The following TULP4 variants were observed in gnomAD, a reference collection of about 807,000 sequenced individuals.
The protein encoded by TULP4 is TUB like protein 4.
Under a neutral mutation model 129.0 loss-of-function variants are expected in TULP4, and 16 were observed. That is an observed-to-expected ratio of 0.12 (90% CI 0.08 to 0.19). The LOEUF (loss-of-function observed/expected upper bound fraction) is 0.19. Ranked by LOEUF, TULP4 falls within the 10% of genes least tolerant of loss-of-function variation. The probability of loss-of-function intolerance (pLI) is 1.00; values close to 1 mark genes in which losing one functional copy is unlikely to be tolerated. For synonymous variants in TULP4, 998 were observed against 854.0 expected (o/e 1.17, Z -2.94); for missense variants, 1,842 against 2,059.1 (o/e 0.89, Z 2.04).
chr6:158,350,613 C>A (rs919581400), intron 1 of TULP4, among the ~76,000 whole-genome samples: 3 of 152,022 alleles, frequency 2.0e-5, no homozygotes, highest in African/African-American at 7.3e-5. Flanking sequence ...GAATCCCAGG[C>A]ACTCGGCAGG....
chr6:158,310,075 CT>C (rs1779316068), upstream of TULP4, among the ~76,000 whole-genome samples: 2 of 152,268 alleles, frequency 1.3e-5, no homozygotes, highest in South Asian at 2.1e-4. Context: ...GTCATTCATA[CT>C]TTTTAGTAAA....
At chr6:158,360,979 G>A (rs911824763) in intron 1 of TULP4, among the ~76,000 whole-genome samples, 5 of 152,042 alleles carry the variant, frequency 3.3e-5, no homozygotes, top group South Asian at 2.1e-4. Flanking sequence ...TCCTTATTTT[G>A]TTATTCCTGA....
chr6:158,292,639 A>C (rs1052975831), intron 1 of TULP4, among the ~76,000 whole-genome samples: 1 of 152,098 alleles, frequency 6.6e-6, no homozygotes, highest in African/African-American at 2.4e-5. Context: ...TAGTGGTTTT[A>C]TAGTATTCTG....
chr6:158,493,551 C>G lies in TULP4; in HGVS notation c.1632-22C>G. 6.9e-7 allele frequency: 1 copy of G among 1,454,096 alleles called. No individual in the cohort carries two copies. Among genetic ancestry groups the G allele is most frequent in the Non-Finnish European group, 9.1e-7 (1 of 1,100,466 alleles). 90.1% of individuals were successfully genotyped at this position (1,454,096 alleles called of 1,614,324 possible). The stretch of plus-strand genomic sequence containing the variant: ...CCATTCCCGCCACGGATGCCTGACC[C>G]CTCCTGGCCTTGCCTCCCCAGGATC... On this transcript the variant is annotated intron_variant, in intron 9 of 13. Transcript: ENST00000367097. The surrounding 1 kb of genome is among the most constrained non-coding windows in gnomAD (Gnocchi z 4.4).
At chr6:158,323,084 G>A (rs1157017668) in intron 1 of TULP4, among the ~76,000 whole-genome samples, 1 of 152,222 alleles carries the variant, frequency 6.6e-6, no homozygotes, top group Non-Finnish European at 1.5e-5. Context: ...ACCTAAGCAT[G>A]TGACTGTACT....
At chr6:158,267,399 A>C (rs556296740) in intron 1 of TULP4, among the ~76,000 whole-genome samples, 1 of 152,350 alleles carries the variant, frequency 6.6e-6, no homozygotes, top group Non-Finnish European at 1.5e-5. Context: ...GATGAAAGCA[A>C]CTAAGTGATG....
intron 6 of TULP4, among the ~76,000 whole-genome samples, chr6:158,464,290 G>A (rs1473307291): frequency 2.0e-5 from 3 of 152,200 alleles, no homozygotes; most frequent in Non-Finnish European, 4.4e-5. Flanking sequence ...TGTTGGTTAA[G>A]CCTGTGGAAA....
chr6:158,501,097 G>C (rs549281975), intron 12 of TULP4, among the ~76,000 whole-genome samples: 6 of 152,046 alleles, frequency 3.9e-5, no homozygotes, highest in Non-Finnish European at 8.8e-5. Flanking sequence ...ATTAGGAAAT[G>C]ATCCTTCATA....
chr6:158,332,916 A>G (rs1176395925), intron 1 of TULP4, among the ~76,000 whole-genome samples: 4 of 152,142 alleles, frequency 2.6e-5, no homozygotes, highest in Admixed American at 6.5e-5. Context: ...GCTGAGAGGC[A>G]ATAAACTGAC....
intron 3 of TULP4, among the ~76,000 whole-genome samples, chr6:158,435,252 T>C (rs1429267233): frequency 1.3e-5 from 2 of 152,216 alleles, no homozygotes; most frequent in Non-Finnish European, 2.9e-5. Context: ...GAGTATCTTG[T>C]GTATGTCTTC....
At chr6:158,254,119 A>G (rs552789294) in intron 1 of TULP4, among the ~76,000 whole-genome samples, 1 of 151,942 alleles carries the variant, frequency 6.6e-6, no homozygotes, top group East Asian at 1.9e-4. Context: ...GGAGAAGGGA[A>G]TCCTGGTTTT....
In TULP4 at chr6:158,351,100, A is replaced by C. The variant is rs190092741; in HGVS notation, c.252+36832A>C. The stretch of plus-strand genomic sequence containing the variant: ...GCTGTGTATGCTTTCACAGAGTTCA[A>C]ATGGGTGCGAACTTGTCCCTGGATA... On this transcript the variant is annotated intron_variant, in intron 1 of 13. Coordinates refer to ENST00000367097, the MANE Select transcript of TULP4 (RefSeq NM_020245.5). 3.7e-3 allele frequency among the ~76,000 whole-genome samples: 565 copies of C among 152,176 alleles called. 4 individuals carry two copies. Among genetic ancestry groups the C allele is most frequent in the African/African-American group, 0.013 (538 of 41,506 alleles).
At chr6:158,478,656 C>A (rs1779872334) in intron 6 of TULP4, among the ~76,000 whole-genome samples, 1 of 152,148 alleles carries the variant, frequency 6.6e-6, no homozygotes. Flanking sequence ...CCTGCAACTG[C>A]CTGGCCTCCT....
chr6:158,253,576 C>G (rs1778185579), intron 1 of TULP4, among the ~76,000 whole-genome samples: 1 of 151,622 alleles, frequency 6.6e-6, no homozygotes, highest in Non-Finnish European at 1.5e-5. Flanking sequence ...GGCTTCTCAG[C>G]TTACACCTGT....
In TULP4 at chr6:158,376,972, A is replaced by G. The variant is rs577428781; in HGVS notation, c.253-36093A>G. On this transcript the variant is annotated intron_variant, in intron 1 of 13. Transcript: ENST00000367097. ...CGAGGCTGTTTGATGGAAAAGTAAA[A>G]CTGCTTGTCTGAGACACTGTTACTT... Among the ~76,000 whole-genome samples, 9 of 152,284 alleles carry G rather than the reference A, an allele frequency of 5.9e-5. No individual in the cohort carries two copies. In the East Asian group the frequency reaches 1.7e-3, roughly 29 times the overall value.
rs1334274534 is a variant in TULP4, at chr6:158,413,022, A to C, written c.253-43A>C. 6.3e-7 allele frequency: 1 copy of C among 1,577,414 alleles called. No homozygotes were observed. Among genetic ancestry groups the C allele is most frequent in the South Asian group, 1.1e-5 (1 of 87,254 alleles). On this transcript the variant is annotated intron_variant, in intron 1 of 13. Coordinates refer to ENST00000367097, the MANE Select transcript of TULP4 (RefSeq NM_020245.5). The surrounding 1 kb of genome is among the most constrained non-coding windows in gnomAD (Gnocchi z 4.9). ...CATCACAGAAATAATCCTGGCCCACAGATTTATTTCCTGTGGTAAATGTCT... is the reference window on the plus strand; with the variant it reads ...CATCACAGAAATAATCCTGGCCCACCGATTTATTTCCTGTGGTAAATGTCT...
chr6:158,236,795 C>CTTTTCTTTTTTTTTTTTTTTTT (rs1554272522), intron 1 of TULP4, among the ~76,000 whole-genome samples: 11 of 63,302 alleles, frequency 1.7e-4, no homozygotes, highest in Admixed American at 2.8e-4. Flanking sequence ...CAATTCTTTT[C>CTTTTCTTTTTTTTTTTTTTTTT]TTTTTTTTTT....
chr6:158,338,173 C>G lies in TULP4; in HGVS notation c.252+23905C>G, dbSNP rs560680491. 2.6e-5 allele frequency among the ~76,000 whole-genome samples: 4 copies of G among 152,242 alleles called. No individual in the cohort carries two copies. The South Asian group carries it at 8.3e-4, about 32-fold the overall frequency. On this transcript the variant is annotated intron_variant, in intron 1 of 13. Coordinates refer to ENST00000367097, the MANE Select transcript of TULP4 (RefSeq NM_020245.5). ...TTATTTTTGAGACAGGGTCTTTGCT[C>G]TGTCACCTAGGCTGGAGTGCAGTAG...
At chr6:158,371,638 CG>C (rs1777071877) in intron 1 of TULP4, among the ~76,000 whole-genome samples, 1 of 152,062 alleles carries the variant, frequency 6.6e-6, no homozygotes, top group Non-Finnish European at 1.5e-5. Flanking sequence ...ATTATAACAG[CG>C]TCTTTTGTTC....
Sources: gnomAD v4.1 joint callset for allele counts (sites outside exome capture counted in the v4.1 genomes callset) on GRCh38, gnomAD v4.1.1 for gene constraint, Gnocchi (gnomAD v3.1) non-coding constraint, MANE v1.5 for transcripts, NCBI Gene and HGNC (gene_info 2026-07-23, HGNC 2026-07-21) for gene names.